Variants in LDLRAD4 observed in about 807,000 individuals in gnomAD.
LDLRAD4 encodes low density lipoprotein receptor class A domain containing 4, also known as low-density lipoprotein receptor class A domain-containing protein 4.
In LDLRAD4, 5 loss-of-function variants were observed where a neutral mutation model predicts 17.0. The observed-to-expected ratio is 0.29, with a 90% CI of 0.15 to 0.62. The LOEUF (loss-of-function observed/expected upper bound fraction) is 0.62, where lower values mean the gene tolerates loss of function less well. Ranked by LOEUF, LDLRAD4 falls within the 20% of genes least tolerant of loss-of-function variation. The pLI is 0.84. For synonymous variants in LDLRAD4, 168 were observed against 171.8 expected, an observed-to-expected ratio of 0.98 and a Z score of 0.17; for missense variants, 340 against 424.7, an observed-to-expected ratio of 0.80 and a Z score of 1.75.
At chr18:13,639,107 T>TTATC in intron 4 of LDLRAD4, among the ~76,000 whole-genome samples, 1 of 152,354 alleles carries the variant, frequency 6.6e-6, no homozygotes, top group South Asian at 2.1e-4. Context: ...ACTTTAAGTA[T>TTATC]TATCTTATTT....
At chr18:13,446,486 A>G (rs527881580) in intron 3 of LDLRAD4, among the ~76,000 whole-genome samples, 1 of 152,324 alleles carries the variant, frequency 6.6e-6, no homozygotes, top group Non-Finnish European at 1.5e-5. Context: ...TGGATTTTCA[A>G]ACAGATTATG....
intron 3 of LDLRAD4, among the ~76,000 whole-genome samples, chr18:13,538,634 C>T (rs1421449178): frequency 6.6e-6 from 1 of 151,964 alleles, no homozygotes; most frequent in Non-Finnish European, 1.5e-5. Flanking sequence ...AAGCGATTCT[C>T]CCACCTCAGC....
rs957324653 is a variant in LDLRAD4, at chr18:13,300,257, G to A, written c.-383+22069G>A. On this transcript the variant is annotated intron_variant, in intron 1 of 5. Transcript: ENST00000359446. This position sits in a 1 kb window ranked among gnomAD's most constrained non-coding sequence, Gnocchi z 4.2. ...ACAGCAGAGAGCCAGGCCCGCAGAG[G>A]GGGCCGGCAGCCTCTTCCCACTCTC... is the stretch of plus-strand genomic sequence containing the variant. Among the ~76,000 whole-genome samples, 1 of 152,192 alleles carries A rather than the reference G, an allele frequency of 6.6e-6. No individual in the cohort carries two copies. The highest frequency in any genetic ancestry group is 2.4e-5 in the African/African-American group (1 of 41,446).
At chr18:13,517,031 T>G (rs78865564) in intron 3 of LDLRAD4, among the ~76,000 whole-genome samples, 2,121 of 152,332 alleles carry the variant, frequency 0.014, 54 homozygotes, top group African/African-American at 0.048. Context: ...TTGATTTTTC[T>G]GCAGAGACAG....
At chr18:13,510,431 A>G (rs1255872987) in intron 3 of LDLRAD4, among the ~76,000 whole-genome samples, 1 of 152,034 alleles carries the variant, frequency 6.6e-6, no homozygotes, top group Non-Finnish European at 1.5e-5. Flanking sequence ...ATTTGGTTCT[A>G]TGATGCAGGA....
intron 3 of LDLRAD4, among the ~76,000 whole-genome samples, chr18:13,550,719 G>A (rs2094423824): frequency 6.6e-6 from 1 of 152,238 alleles, no homozygotes; most frequent in Non-Finnish European, 1.5e-5. Context: ...GGGCCTGGCT[G>A]ACAGCCCTCC....
chr18:13,608,880 C>T (rs1457655671), intron 3 of LDLRAD4, among the ~76,000 whole-genome samples: 1 of 152,166 alleles, frequency 6.6e-6, no homozygotes, highest in Non-Finnish European at 1.5e-5. Flanking sequence ...ATAGAGGAAA[C>T]CTTGAAGAGA....
chr18:13,444,824 A>G (rs2091280233), intron 3 of LDLRAD4, among the ~76,000 whole-genome samples: 1 of 152,114 alleles, frequency 6.6e-6, no homozygotes, highest in African/African-American at 2.4e-5. Flanking sequence ...CTCAAGCCTG[A>G]CCAGAGGATG....
intron 1 of LDLRAD4, among the ~76,000 whole-genome samples, chr18:13,272,352 T>G (rs765208168): frequency 6.6e-6 from 1 of 152,132 alleles, no homozygotes; most frequent in Non-Finnish European, 1.5e-5. Flanking sequence ...ATGGCCGGAG[T>G]TGGTGCTCTG....
chr18:13,442,583 G>C (rs2091099342), intron 3 of LDLRAD4, among the ~76,000 whole-genome samples: 1 of 152,208 alleles, frequency 6.6e-6, no homozygotes, highest in Admixed American at 6.5e-5. Context: ...CTCCTGCCCT[G>C]GTCCTAGGAC....
intron 1 of LDLRAD4, among the ~76,000 whole-genome samples, chr18:13,370,725 T>TG (rs34783550): frequency 1.2e-4 from 3 of 24,428 alleles, no homozygotes; most frequent in African/African-American, 1.8e-4. Flanking sequence ...TTTTTTTTTT[T>TG]TTTGAGATGG....
At chr18:13,417,862 G>T (rs1222077980) in intron 2 of LDLRAD4, among the ~76,000 whole-genome samples, 4 of 152,158 alleles carry the variant, frequency 2.6e-5, no homozygotes, top group Non-Finnish European at 5.9e-5. Flanking sequence ...TGTGGTTTGT[G>T]TGTGTGTGTT....
At chr18:13,448,626 G>A (rs1471768018) in intron 3 of LDLRAD4, among the ~76,000 whole-genome samples, 2 of 152,010 alleles carry the variant, frequency 1.3e-5, no homozygotes, top group Non-Finnish European at 2.9e-5. Flanking sequence ...AGGAGATATT[G>A]AGGTAAAGAT....
intron 3 of LDLRAD4, among the ~76,000 whole-genome samples, chr18:13,599,435 C>T (rs1305357485): frequency 2.0e-5 from 3 of 151,872 alleles, no homozygotes; most frequent in African/African-American, 4.8e-5. Flanking sequence ...GGTTGTTTTC[C>T]TGGCAAGTGA....
intron 3 of LDLRAD4, among the ~76,000 whole-genome samples, chr18:13,600,957 AG>A (rs1325770524): frequency 6.6e-6 from 1 of 152,182 alleles, no homozygotes; most frequent in African/African-American, 2.4e-5. Context: ...GACTTAATTA[AG>A]GTCATTTTTA....
chr18:13,578,827 C>CTATTTTTTTTTTTTTTTTT (rs2094812795), intron 3 of LDLRAD4, among the ~76,000 whole-genome samples: 1 of 65,676 alleles, frequency 1.5e-5, no homozygotes, highest in Non-Finnish European at 2.8e-5. Context: ...TTGTCCGGGT[C>CTATTTTTTTTTTTTTTTTT]TTTTTTTTTT....
chr18:13,236,647 C>T (rs1192040505), intron 1 of LDLRAD4, among the ~76,000 whole-genome samples: 1 of 152,128 alleles, frequency 6.6e-6, no homozygotes. Context: ...TTTCTGTACC[C>T]TCTGCTTCCT....
chr18:13,548,690 C>A (rs558956596), intron 3 of LDLRAD4, among the ~76,000 whole-genome samples: 13 of 152,330 alleles, frequency 8.5e-5, no homozygotes, highest in African/African-American at 2.9e-4. Flanking sequence ...TGCCCATGTC[C>A]ACAGCTGTGG....
intron 3 of LDLRAD4, among the ~76,000 whole-genome samples, chr18:13,556,645 G>A (rs2094486929): frequency 6.6e-6 from 1 of 152,220 alleles, no homozygotes; most frequent in Non-Finnish European, 1.5e-5. Flanking sequence ...TGAGGATGAT[G>A]TATTTGAGGG....
Sources: allele counts gnomAD v4.1 joint callset (sites outside exome capture counted in the v4.1 genomes callset), GRCh38; gene constraint gnomAD v4.1.1; non-coding constraint Gnocchi (gnomAD v3.1); transcripts MANE v1.5; gene names NCBI Gene and HGNC (gene_info 2026-07-23, HGNC 2026-07-21).